Variants in FBXO34 observed in about 807,000 individuals in gnomAD.
FBXO34 encodes the protein F-box only protein 34.
In FBXO34, 12 loss-of-function variants were observed where a neutral mutation model predicts 24.5. The observed-to-expected ratio is 0.49, with a 90% confidence interval of 0.31 to 0.79. The LOEUF (loss-of-function observed/expected upper bound fraction) is 0.79, where lower values mean the gene tolerates loss of function less well. Among genes scored for constraint, FBXO34 ranks in the 30% least tolerant of loss-of-function variants. The pLI is 0.04. For missense variants in FBXO34, 823 were observed against 857.7 expected, an observed-to-expected ratio of 0.96 and a Z score of 0.51; for synonymous variants, 320 against 311.9, an observed-to-expected ratio of 1.03 and a Z score of -0.27.
At chr14:55,323,029 A>AAAAC (rs1883197235) in intron 1 of FBXO34, among the ~76,000 whole-genome samples, 2 of 129,172 alleles carry the variant, frequency 1.5e-5, no homozygotes, top group Admixed American at 7.5e-5. Context: ...AAAAAAAAAA[A>AAAAC]AAAAGCAAAA....
At chr14:55,298,539 T>A in intron 1 of FBXO34, 1 of 623,196 alleles carries the variant, frequency 1.6e-6, no homozygotes, top group Non-Finnish European at 2.9e-6. Flanking sequence ...TTGACCTACT[T>A]CTTGTCCTCA....
At chr14:55,438,243 C>G in the FBXO34 span, among the ~76,000 whole-genome samples, 1 of 152,180 alleles carries the variant, frequency 6.6e-6, no homozygotes, top group Non-Finnish European at 1.5e-5. Context: ...TGACTGGAGC[C>G]TATTGGAGTG....
chr14:55,386,075 G>A, the FBXO34 span: 1 of 1,609,878 alleles, frequency 6.2e-7, no homozygotes, highest in Non-Finnish European at 8.5e-7. Context: ...CTTTTCCTTG[G>A]TTTTGAGAAG....
At chr14:55,288,692 T>G (rs1490062445) in intron 1 of FBXO34, among the ~76,000 whole-genome samples, 1 of 152,192 alleles carries the variant, frequency 6.6e-6, no homozygotes, top group African/African-American at 2.4e-5. Context: ...AAAGGCTTGT[T>G]GGACGATTTG....
the FBXO34 span, chr14:55,433,629 C>T: frequency 1.9e-6 from 3 of 1,613,692 alleles, no homozygotes; most frequent in Middle Eastern, 1.7e-4. Flanking sequence ...ATTCCTCATA[C>T]CTTTTGGCTC....
downstream of FBXO34, among the ~76,000 whole-genome samples, chr14:55,364,955 C>A (rs1440364393): frequency 4.0e-5 from 6 of 150,666 alleles, no homozygotes; most frequent in Admixed American, 4.0e-4. Context: ...CAGTGGCTCA[C>A]GCCCGTAATC....
chr14:55,355,995 C>T (rs572695402), downstream of FBXO34, among the ~76,000 whole-genome samples: 251 of 152,244 alleles, frequency 1.6e-3, 3 homozygotes, highest in African/African-American at 5.5e-3. Flanking sequence ...GGGGTTTGCT[C>T]GGTACCTCTC....
chr14:55,286,579 GA>G (rs1486305668), intron 1 of FBXO34, among the ~76,000 whole-genome samples: 1 of 152,238 alleles, frequency 6.6e-6, no homozygotes, highest in Admixed American at 6.5e-5. Context: ...GAATAATACA[GA>G]TAACTGTATT....
chr14:55,415,514 A>AT, the FBXO34 span, among the ~76,000 whole-genome samples: 440 of 152,334 alleles, frequency 2.9e-3, 3 homozygotes, highest in Non-Finnish European at 3.4e-3. Context: ...TTGCAGCACT[A>AT]TTCACACTTG....
At chr14:55,431,016 C>T in the FBXO34 span, among the ~76,000 whole-genome samples, 1 of 152,284 alleles carries the variant, frequency 6.6e-6, no homozygotes, top group African/African-American at 2.4e-5. Context: ...GTTCATTGTA[C>T]AAACATTAGA....
chr14:55,321,791 A>G (rs952248383), intron 1 of FBXO34, among the ~76,000 whole-genome samples: 3 of 152,172 alleles, frequency 2.0e-5, no homozygotes, highest in Non-Finnish European at 4.4e-5. Context: ...ATCAATACCT[A>G]TTTGCCTCTT....
chr14:55,340,080 A>G (rs946886823), intron 1 of FBXO34, among the ~76,000 whole-genome samples: 1 of 152,162 alleles, frequency 6.6e-6, no homozygotes, highest in African/African-American at 2.4e-5. Context: ...TTTAGAGACC[A>G]GGTCTTGCTG....
chr14:55,297,499 T>G (rs1882180075), intron 1 of FBXO34, among the ~76,000 whole-genome samples: 1 of 152,242 alleles, frequency 6.6e-6, no homozygotes, highest in African/African-American at 2.4e-5. Flanking sequence ...ACATGTTAAA[T>G]GCCTAGCATA....
chr14:55,325,730 C>T (rs1453510876), intron 1 of FBXO34: 1 of 152,314 alleles, frequency 6.6e-6, no homozygotes, highest in Admixed American at 6.5e-5. Context: ...CCACCTCGGC[C>T]TCCCAGAGTG....
the FBXO34 span, among the ~76,000 whole-genome samples, chr14:55,393,085 T>C: frequency 1.3e-5 from 2 of 152,136 alleles, no homozygotes; most frequent in African/African-American, 4.8e-5. Flanking sequence ...AAATTTTAAG[T>C]ATAATGAAAT....
the FBXO34 span, chr14:55,411,694 G>T: frequency 6.2e-7 from 1 of 1,613,148 alleles, no homozygotes; most frequent in Non-Finnish European, 8.5e-7. Context: ...TGCACAGCGG[G>T]CAGCGCTCCA....
the FBXO34 span, among the ~76,000 whole-genome samples, chr14:55,408,580 G>A: frequency 6.6e-6 from 1 of 152,136 alleles, no homozygotes; most frequent in Non-Finnish European, 1.5e-5. Context: ...AGATCAGCCT[G>A]GACAAGATAG....
chr14:55,428,725 G>C, the FBXO34 span: 1 of 1,357,054 alleles, frequency 7.4e-7, no homozygotes, highest in Non-Finnish European at 1.0e-6. Context: ...CAATTTCTCT[G>C]AAAGATACTT....
At position 55,351,691 on chromosome 14, in the gene FBXO34, G is replaced by A; in HGVS notation, c.1301G>A (p.Cys434Tyr). 2 of 1,614,228 alleles carry A rather than the reference G, an allele frequency of 1.2e-6. No individual in the cohort carries two copies. Among genetic ancestry groups the A allele is most frequent in the Non-Finnish European group, 1.7e-6 (2 of 1,180,044 alleles). ...GAATTGCCCACAGATGCTGTTGATTGTATGAGCAGAGAGCTTGTGTCCCTT... is the reference window on the plus strand; with the variant it reads ...GAATTGCCCACAGATGCTGTTGATTATATGAGCAGAGAGCTTGTGTCCCTT... The part of the protein sequence containing the change: ...ASELPTDAVD[C>Y]MSRELVSLTS... Residue 434 changes from cysteine to tyrosine, a missense_variant, in exon 2 of 2, where the codon TGT (cysteine) becomes TAT (tyrosine). Cys to Tyr is a radical substitution (Grantham distance 194). This residue lies in a region of FBXO34 where 693 missense variants were observed against 659.1 expected (regional missense o/e 1.05). Coordinates refer to ENST00000313833, the MANE Select transcript of FBXO34 (RefSeq NM_017943.4).
Sources: gnomAD v4.1 joint callset for allele counts (sites outside exome capture counted in the v4.1 genomes callset) on GRCh38, gnomAD v4.1.1 for gene constraint, gnomAD v4.1.1 regional missense constraint, MANE v1.5 for transcripts, NCBI Gene and HGNC (gene_info 2026-07-23, HGNC 2026-07-21) for gene names.